Variants in MARK1 observed in about 807,000 individuals in gnomAD.
MARK1 encodes the protein serine/threonine-protein kinase MARK1.
Under a neutral mutation model 96.3 loss-of-function variants are expected in MARK1, and 40 were observed. That is an observed-to-expected ratio of 0.42 (90% CI 0.32 to 0.54). The LOEUF is 0.54. Among genes scored for constraint, MARK1 ranks in the 20% least tolerant of loss-of-function variants. MARK1 has a pLI of 0.16. For synonymous variants in MARK1, 317 were observed against 341.2 expected (o/e 0.93, Z 0.78); for missense variants, 719 against 984.6 (o/e 0.73, Z 3.61).
chr1:220,542,303 A>G (rs1661200282), intron 1 of MARK1, among the ~76,000 whole-genome samples: 1 of 152,140 alleles, frequency 6.6e-6, no homozygotes, highest in Non-Finnish European at 1.5e-5. Context: ...GTTTCTGGTA[A>G]TTCCATTATC....
intron 1 of MARK1, among the ~76,000 whole-genome samples, chr1:220,548,520 A>C (rs572653183): frequency 1.3e-5 from 2 of 152,326 alleles, no homozygotes; most frequent in South Asian, 4.1e-4. Context: ...CTGGCGGATC[A>C]CATGAGGTCA....
chr1:220,537,237 C>T (rs193218779), intron 1 of MARK1, among the ~76,000 whole-genome samples: 5 of 104,042 alleles, frequency 4.8e-5, no homozygotes, highest in Non-Finnish European at 9.3e-5. Context: ...ATCCCTCCCC[C>T]CTCCCCCCAC....
At chr1:220,639,055 G>A (rs1668127131) in intron 13 of MARK1, among the ~76,000 whole-genome samples, 1 of 152,110 alleles carries the variant, frequency 6.6e-6, no homozygotes, top group Admixed American at 6.5e-5. Flanking sequence ...ACCAGCCTGG[G>A]CAACCTAGTG....
chr1:220,600,175 ACT>A (rs1346543806), intron 5 of MARK1, among the ~76,000 whole-genome samples: 2 of 152,206 alleles, frequency 1.3e-5, no homozygotes, highest in African/African-American at 4.8e-5. Flanking sequence ...ATGATTAGAA[ACT>A]CTTGGCTATC....
At chr1:220,608,993 G>A (rs1022045082) in intron 6 of MARK1, among the ~76,000 whole-genome samples, 7 of 152,204 alleles carry the variant, frequency 4.6e-5, no homozygotes, top group Non-Finnish European at 7.3e-5. Flanking sequence ...GACGGTTTTG[G>A]AATAAGTGCA....
chr1:220,632,357 G>GCTAATATATTAA, intron 11 of MARK1, 44 bp downstream of exon 11: 4 of 839,624 alleles, frequency 4.8e-6, no homozygotes, highest in Non-Finnish European at 7.5e-6. Context: ...TATTTCTTGA[G>GCTAATATATTAA]CTAATATATT....
At chr1:220,545,344 G>C (rs1019575509) in intron 1 of MARK1, among the ~76,000 whole-genome samples, 2 of 152,002 alleles carry the variant, frequency 1.3e-5, no homozygotes, top group Non-Finnish European at 2.9e-5. Flanking sequence ...TTAGATGGAG[G>C]GTCAACTTGA....
At chr1:220,622,926 G>T (rs1287114212) in intron 9 of MARK1, among the ~76,000 whole-genome samples, 1 of 152,144 alleles carries the variant, frequency 6.6e-6, no homozygotes, top group Non-Finnish European at 1.5e-5. Flanking sequence ...TAAGTATAGA[G>T]TGTATATTTC....
chr1:220,621,768 A>G (rs2102980057), intron 9 of MARK1, among the ~76,000 whole-genome samples: 1 of 152,070 alleles, frequency 6.6e-6, no homozygotes, highest in East Asian at 1.9e-4. Context: ...GTCTTTCTTC[A>G]CTATATATTT....
chr1:220,528,558 G>C lies in MARK1; in HGVS notation c.-265G>C, dbSNP rs1018981646. ...CCAGCCTCGCCGCCCCGCCAGCGCC[G>C]GGCAACCGCCTCGCCCGAAGCCCTC... On this transcript the variant is annotated 5_prime_UTR_variant, in exon 1 of 18. Transcript: ENST00000366917. 9.2e-5 allele frequency: 42 copies of C among 456,034 alleles called. No homozygotes were observed. Among genetic ancestry groups the C allele is most frequent in the Middle Eastern group, 5.6e-4 (1 of 1,776 alleles). The allele number at this position is 456,034 out of a possible 1,614,324, so 28.2% of individuals were successfully genotyped here.
chr1:220,635,770 T>C, intron 12 of MARK1, 63 bp from the exon 13 acceptor site: 1 of 1,346,632 alleles, frequency 7.4e-7, no homozygotes, highest in South Asian at 1.5e-5. Context: ...GAGTTTTTGT[T>C]TGTGAGCAGA....
chr1:220,655,548 CA>C (rs148904230), intron 16 of MARK1, among the ~76,000 whole-genome samples: 6,223 of 152,206 alleles, frequency 0.041, 398 homozygotes, highest in African/African-American at 0.14. Context: ...TTATCCTTGA[CA>C]CTTCTTTTCC....
rs79027592 is a variant in MARK1 at position 220,652,035 on chromosome 1, G to T, written c.1621G>T (p.Ala541Ser). Residue 541 changes from alanine (A) to serine (S), a missense_variant, in exon 15 of 18, where the codon GCC becomes TCC. Ala to Ser is a moderately conservative substitution (Grantham distance 99). This residue lies in a region of MARK1 where 501 missense variants were observed against 588.3 expected (regional missense o/e 0.85). Coordinates refer to ENST00000366917, the MANE Select transcript of MARK1 (RefSeq NM_018650.5). ...SSISSAGSSV[A>S]SAVPSARPRH... ...CATATCTTCTGCAGGCTCTTCTGTGGCCTCTGCTGTCCCCTCAGCACGACC... is the reference window on the plus strand; with the variant it reads ...CATATCTTCTGCAGGCTCTTCTGTGTCCTCTGCTGTCCCCTCAGCACGACC... 1 of 1,612,474 alleles carries T rather than the reference G, an allele frequency of 6.2e-7. No individual in the cohort carries two copies. Among genetic ancestry groups the T allele is most frequent in the Admixed American group, 1.7e-5 (1 of 59,962 alleles).
chr1:220,535,646 G>A (rs746949214), intron 1 of MARK1, among the ~76,000 whole-genome samples: 1 of 152,058 alleles, frequency 6.6e-6, no homozygotes, highest in Non-Finnish European at 1.5e-5. Context: ...TATAATTCAA[G>A]TCTTAAATTT....
chr1:220,548,326 G>A (rs1661637257), intron 1 of MARK1, among the ~76,000 whole-genome samples: 1 of 152,138 alleles, frequency 6.6e-6, no homozygotes, highest in African/African-American at 2.4e-5. Flanking sequence ...ATGATTATTA[G>A]CTTATATTAG....
rs571334707 is a variant in MARK1 at position 220,609,579 on chromosome 1, G to T, written c.495+5442G>T. 2.6e-5 allele frequency among the ~76,000 whole-genome samples: 4 copies of T among 152,290 alleles called. No individual in the cohort carries two copies. In the East Asian group the frequency reaches 7.7e-4, roughly 29 times the overall value. Reference sequence around the variant, plus strand: ...ATTTCAGGTTAATATTGTTAGGTGTGAATTTGCTCCTGTCATTACAACGTT... The same window carrying T: ...ATTTCAGGTTAATATTGTTAGGTGTTAATTTGCTCCTGTCATTACAACGTT... On this transcript the variant is annotated intron_variant, in intron 6 of 17. Transcript: ENST00000366917.
At chr1:220,623,579 T>TA (rs1454327451) in intron 9 of MARK1, among the ~76,000 whole-genome samples, 1 of 152,188 alleles carries the variant, frequency 6.6e-6, no homozygotes, top group Non-Finnish European at 1.5e-5. Flanking sequence ...AGAATAATAA[T>TA]AATAAAGGGA....
intron 1 of MARK1, among the ~76,000 whole-genome samples, chr1:220,564,148 G>C (rs545995203): frequency 1.3e-5 from 2 of 152,134 alleles, no homozygotes; most frequent in South Asian, 4.1e-4. Flanking sequence ...TAATTTCTCT[G>C]AGTTCTCTGT....
chr1:220,558,841 A>G (rs147537642), intron 1 of MARK1, among the ~76,000 whole-genome samples: 14 of 152,288 alleles, frequency 9.2e-5, no homozygotes, highest in African/African-American at 2.9e-4. Flanking sequence ...ATAGAGTCGT[A>G]TACTCTCAAA....
Sources: allele counts gnomAD v4.1 joint callset (sites outside exome capture counted in the v4.1 genomes callset), GRCh38; gene constraint gnomAD v4.1.1; regional missense constraint gnomAD v4.1.1; transcripts MANE v1.5; gene names NCBI Gene and HGNC (gene_info 2026-07-23, HGNC 2026-07-21).